The following CACNA2D1 variants were observed in gnomAD, a reference collection of about 807,000 sequenced individuals.
The protein encoded by CACNA2D1 is voltage-dependent calcium channel subunit alpha-2/delta-1.
In CACNA2D1, 53 loss-of-function variants were observed where a neutral mutation model predicts 171.5. The ratio of observed to expected loss-of-function variants is 0.31; its 90% CI spans 0.25 to 0.39. The LOEUF is 0.39. CACNA2D1 is among the 10% of genes least tolerant of loss of function. The pLI is 1.00. For synonymous variants in CACNA2D1, 442 were observed against 443.1 expected (o/e 1.00, Z 0.03); for missense variants, 903 against 1,299.8 (o/e 0.69, Z 4.69).
At chr7:81,951,892 T>G (rs888994796) in intron 38 of CACNA2D1, among the ~76,000 whole-genome samples, 1 of 151,228 alleles carries the variant, frequency 6.6e-6, no homozygotes, top group Admixed American at 6.6e-5. Flanking sequence ...GTTCTACTTT[T>G]CATTCTTTAA....
chr7:82,421,635 T>C (rs1393401067), intron 1 of CACNA2D1, among the ~76,000 whole-genome samples: 2 of 152,136 alleles, frequency 1.3e-5, no homozygotes, highest in Admixed American at 6.6e-5. Flanking sequence ...GGCAGATGAA[T>C]ACAAAGCCAC....
intron 24 of CACNA2D1, among the ~76,000 whole-genome samples, chr7:81,974,811 C>A (rs1795663704): frequency 6.6e-6 from 1 of 151,804 alleles, no homozygotes; most frequent in South Asian, 2.1e-4. Flanking sequence ...ATACTATTAT[C>A]ATTGTATATC....
At chr7:82,232,572 T>C (rs1803060154) in intron 3 of CACNA2D1, among the ~76,000 whole-genome samples, 1 of 152,052 alleles carries the variant, frequency 6.6e-6, no homozygotes, top group Admixed American at 6.6e-5. Context: ...ATTCTAATAT[T>C]AAGACTTGGT....
chr7:82,278,557 TAAAAAAA>T (rs59630150), intron 3 of CACNA2D1, among the ~76,000 whole-genome samples: 5 of 107,770 alleles, frequency 4.6e-5, no homozygotes, highest in East Asian at 2.7e-4. Flanking sequence ...GACTCTGTCT[TAAAAAAA>T]AAAAAAAAAA....
chr7:82,118,607 C>T (rs535437051), intron 5 of CACNA2D1, among the ~76,000 whole-genome samples: 52 of 151,990 alleles, frequency 3.4e-4, no homozygotes, highest in African/African-American at 1.2e-3. Context: ...AGGTTTAAGT[C>T]TTTTCTATTA....
At chr7:81,991,508 A>G (rs971705202) in intron 20 of CACNA2D1, among the ~76,000 whole-genome samples, 2 of 152,200 alleles carry the variant, frequency 1.3e-5, no homozygotes, top group Non-Finnish European at 2.9e-5. Context: ...TTTCCTGAAA[A>G]ACAAATTTTA....
At chr7:82,064,143 A>G (rs1248120876) in intron 9 of CACNA2D1, among the ~76,000 whole-genome samples, 161 bp downstream of exon 9, 1 of 152,026 alleles carries the variant, frequency 6.6e-6, no homozygotes, top group African/African-American at 2.4e-5. Context: ...TTGTTTTATT[A>G]TTGTCTTGAT....
rs1585542471 is a variant in CACNA2D1 at position 82,334,726 on chromosome 7, A to G, written c.294+409T>C. Among the ~76,000 whole-genome samples, 4 of 152,150 alleles carry G rather than the reference A, an allele frequency of 2.6e-5. No homozygotes were observed. The East Asian group carries it at 7.7e-4, about 29-fold the overall frequency. ...AATATCTAGCATTTTGGCCACCTCTAGCAGAGAGGAAGGGTGATGGAATAA... is the reference window on the plus strand; with the variant it reads ...AATATCTAGCATTTTGGCCACCTCTGGCAGAGAGGAAGGGTGATGGAATAA... On this transcript the variant is annotated intron_variant, in intron 3 of 38. Coordinates refer to ENST00000356860, the MANE Select transcript of CACNA2D1 (RefSeq NM_000722.4).
At chr7:82,251,664 T>C (rs1315414391) in intron 3 of CACNA2D1, among the ~76,000 whole-genome samples, 1 of 152,222 alleles carries the variant, frequency 6.6e-6, no homozygotes, top group East Asian at 1.9e-4. Context: ...TGATTTGATG[T>C]TATTATGCCC....
At chr7:82,439,464 CTACTT>C (rs1297837858) in intron 1 of CACNA2D1, among the ~76,000 whole-genome samples, 2 of 151,652 alleles carry the variant, frequency 1.3e-5, no homozygotes, top group African/African-American at 4.8e-5. Flanking sequence ...AATGAACCAC[CTACTT>C]TATATTCAAA....
intron 6 of CACNA2D1, among the ~76,000 whole-genome samples, chr7:82,099,198 T>C (rs1441906461): frequency 6.6e-6 from 1 of 152,160 alleles, no homozygotes; most frequent in African/African-American, 2.4e-5. Context: ...CAAATATATC[T>C]GTAGCAAAAC....
chr7:82,443,197 G>A (rs1303847552), intron 1 of CACNA2D1, among the ~76,000 whole-genome samples, 168 bp downstream of exon 1: 2 of 151,892 alleles, frequency 1.3e-5, no homozygotes, highest in East Asian at 3.9e-4. Flanking sequence ...TTCCAGCGGC[G>A]AGCGGCGCGC....
At chr7:82,008,968 C>T (rs1414559460) in intron 15 of CACNA2D1, among the ~76,000 whole-genome samples, 1 of 152,052 alleles carries the variant, frequency 6.6e-6, no homozygotes, top group African/African-American at 2.4e-5. Flanking sequence ...AACAACCATA[C>T]ATATTTGGGT....
intron 3 of CACNA2D1, among the ~76,000 whole-genome samples, chr7:82,178,520 T>G (rs546909959): frequency 1.3e-5 from 2 of 152,096 alleles, no homozygotes; most frequent in Non-Finnish European, 2.9e-5. Context: ...CTGGACCCCA[T>G]GAAAACCCCT....
At chr7:82,267,866 G>A (rs1300205926) in intron 3 of CACNA2D1, among the ~76,000 whole-genome samples, 2 of 151,924 alleles carry the variant, frequency 1.3e-5, no homozygotes, top group East Asian at 3.9e-4. Context: ...GCGTGGTGGC[G>A]GGTGCCTGTA....
chr7:82,316,999 C>A (rs1002302493), intron 3 of CACNA2D1, among the ~76,000 whole-genome samples: 3 of 152,144 alleles, frequency 2.0e-5, no homozygotes, highest in African/African-American at 7.2e-5. Context: ...GTAATACACT[C>A]TTAACACTAG....
intron 27 of CACNA2D1, among the ~76,000 whole-genome samples, chr7:81,970,214 T>C (rs1232432027): frequency 6.6e-6 from 1 of 151,446 alleles, no homozygotes; most frequent in Non-Finnish European, 1.5e-5. Context: ...TGTTTACTAG[T>C]CAGGTAACAG....
At chr7:81,966,874 G>A (rs531394100) in intron 31 of CACNA2D1, among the ~76,000 whole-genome samples, 22 of 151,500 alleles carry the variant, frequency 1.5e-4, no homozygotes, top group Non-Finnish European at 3.1e-4. Context: ...CAGAAATAGA[G>A]CTAAAGATAA....
chr7:82,217,888 T>C (rs1801329008), intron 3 of CACNA2D1, among the ~76,000 whole-genome samples: 1 of 148,430 alleles, frequency 6.7e-6, no homozygotes, highest in East Asian at 2.0e-4. Context: ...GGAGGCACTA[T>C]GTAGGGCTTC....
Sources: gnomAD v4.1 joint callset for allele counts (sites outside exome capture counted in the v4.1 genomes callset) on GRCh38, gnomAD v4.1.1 for gene constraint, MANE v1.5 for transcripts, NCBI Gene and HGNC (gene_info 2026-07-23, HGNC 2026-07-21) for gene names.